Variants in RALGPS1 observed in about 807,000 individuals in gnomAD.
RALGPS1 encodes the protein Ral GEF with PH domain and SH3 binding motif 1.
Under a neutral mutation model 78.8 loss-of-function variants are expected in RALGPS1, and 19 were observed. The ratio of observed to expected loss-of-function variants is 0.24; its 90% confidence interval spans 0.17 to 0.35. The LOEUF (loss-of-function observed/expected upper bound fraction) is 0.35, where lower values mean the gene tolerates loss of function less well. Among genes scored for constraint, RALGPS1 ranks in the 10% least tolerant of loss-of-function variants. RALGPS1 has a pLI of 1.00. For missense variants in RALGPS1, 454 were observed against 688.3 expected, an observed-to-expected ratio of 0.66 and a Z score of 3.81; for synonymous variants, 228 against 256.3, an observed-to-expected ratio of 0.89 and a Z score of 1.06.
At position 127,212,574 on chromosome 9, in the gene RALGPS1, C is replaced by A; in HGVS notation, c.1354-53C>A. ...GCTGGGTCTGTAATCGGCCAGGGATCCTCTACCCCCACGACCCCTGGTGGC... is the reference window on the plus strand; with the variant it reads ...GCTGGGTCTGTAATCGGCCAGGGATACTCTACCCCCACGACCCCTGGTGGC... On this transcript the variant is annotated intron_variant, in intron 15 of 18. Coordinates refer to ENST00000259351, the MANE Select transcript of RALGPS1 (RefSeq NM_014636.3). The surrounding 1 kb of genome is among the most constrained non-coding windows in gnomAD (Gnocchi z 6.0). 1.5e-6 allele frequency: 2 copies of A among 1,337,748 alleles called. No homozygotes were observed. Among genetic ancestry groups the A allele is most frequent in the Non-Finnish European group, 2.1e-6 (2 of 949,626 alleles). The allele number at this position is 1,337,748 out of a possible 1,614,324, so 82.9% of individuals were successfully genotyped here.
intron 8 of RALGPS1, among the ~76,000 whole-genome samples, chr9:127,093,346 G>C (rs1439973815): frequency 6.6e-6 from 1 of 152,182 alleles, no homozygotes; most frequent in Non-Finnish European, 1.5e-5. Flanking sequence ...CTTGGGACTT[G>C]CGCCTTCTGG....
chr9:126,993,984 A>G (rs545128642), intron 4 of RALGPS1, among the ~76,000 whole-genome samples: 3 of 152,200 alleles, frequency 2.0e-5, no homozygotes, highest in Non-Finnish European at 4.4e-5. Flanking sequence ...GTTAGAAGGA[A>G]AACTAACAAA....
In RALGPS1 at chr9:127,183,446, C is replaced by T. The variant is rs1344058427; in HGVS notation, c.910+8664C>T. ...CCCCTCCAGCCCTCAACTCTGCCAGCTTTCCTCACATGGGCCACCTCGGTC... is the reference window on the plus strand; with the variant it reads ...CCCCTCCAGCCCTCAACTCTGCCAGTTTTCCTCACATGGGCCACCTCGGTC... On this transcript the variant is annotated intron_variant, in intron 11 of 18. Transcript: ENST00000259351. The surrounding 1 kb of genome is among the most constrained non-coding windows in gnomAD (Gnocchi z 4.0). Among the ~76,000 whole-genome samples the T allele has an allele frequency of 2.6e-5, 4 of 152,310 alleles. No individual in the cohort carries two copies. The highest frequency in any genetic ancestry group is 2.6e-4 in the Admixed American group (4 of 15,304).
chr9:127,006,114 G>A (rs1373439761), intron 4 of RALGPS1, among the ~76,000 whole-genome samples: 1 of 152,114 alleles, frequency 6.6e-6, no homozygotes, highest in East Asian at 1.9e-4. Context: ...ATACTGAATG[G>A]GCAAGAGCTA....
At chr9:127,074,982 A>G (rs2050551178) in intron 8 of RALGPS1, among the ~76,000 whole-genome samples, 1 of 152,194 alleles carries the variant, frequency 6.6e-6, no homozygotes, top group Non-Finnish European at 1.5e-5. Flanking sequence ...GACATTCCCT[A>G]TTGTGGGACC....
At chr9:127,037,844 A>G (rs1177268433) in intron 5 of RALGPS1, among the ~76,000 whole-genome samples, 4 of 152,214 alleles carry the variant, frequency 2.6e-5, no homozygotes, top group African/African-American at 9.7e-5. Context: ...AATCACTGTG[A>G]CCAGGAAGAC....
chr9:127,061,240 C>T (rs1012207639), intron 7 of RALGPS1, among the ~76,000 whole-genome samples: 1 of 152,242 alleles, frequency 6.6e-6, no homozygotes, highest in African/African-American at 2.4e-5. Flanking sequence ...AGCAGTGCAT[C>T]TGCTACCACC....
Position 127,195,086 on chromosome 9 carries a change from T to G in RALGPS1, c.911-5T>G. On this transcript the variant is annotated splice_region_variant and splice_polypyrimidine_tract_variant and intron_variant, in intron 11 of 18. Coordinates refer to ENST00000259351, the MANE Select transcript of RALGPS1 (RefSeq NM_014636.3). ...CCGTTGTTGCTCTCTCTGCTCTGTT[T>G]GCAGGTCCCTCTGCTGGCTCCGGTT... The G allele has an allele frequency of 2.5e-6, 4 of 1,613,272 alleles. No individual in the cohort carries two copies. In the South Asian group the frequency reaches 3.3e-5, roughly 13 times the overall value.
chr9:127,075,166 C>G (rs1307136330), intron 8 of RALGPS1, among the ~76,000 whole-genome samples: 1 of 152,234 alleles, frequency 6.6e-6, no homozygotes, highest in Non-Finnish European at 1.5e-5. Flanking sequence ...AGGCCTCCAT[C>G]CTCCTGCATT....
At chr9:126,936,144 A>G (rs2036237147) in intron 1 of RALGPS1, among the ~76,000 whole-genome samples, 1 of 152,212 alleles carries the variant, frequency 6.6e-6, no homozygotes, top group Non-Finnish European at 1.5e-5. Flanking sequence ...AGCCTCAGGC[A>G]TGCTAAGGCA....
At chr9:127,159,855 T>G (rs572313603) in intron 8 of RALGPS1, among the ~76,000 whole-genome samples, 1 of 152,236 alleles carries the variant, frequency 6.6e-6, no homozygotes, top group East Asian at 1.9e-4. Context: ...AATACTGAAG[T>G]TTGAAAGTGA....
intron 14 of RALGPS1, among the ~76,000 whole-genome samples, chr9:127,209,897 T>G (rs190526731): frequency 6.6e-6 from 1 of 152,322 alleles, no homozygotes; most frequent in Non-Finnish European, 1.5e-5. Flanking sequence ...TTAAGTTGAT[T>G]ACATTGTTGT....
At chr9:127,206,501 AACTC>A (rs1480670980) in intron 14 of RALGPS1, among the ~76,000 whole-genome samples, 6 of 152,098 alleles carry the variant, frequency 3.9e-5, no homozygotes, top group Admixed American at 1.3e-4. Context: ...ATCTTGTGAG[AACTC>A]ACTCACTATC....
chr9:127,160,398 G>T (rs1381107891), intron 8 of RALGPS1, among the ~76,000 whole-genome samples: 4 of 152,224 alleles, frequency 2.6e-5, no homozygotes, highest in Admixed American at 1.3e-4. Flanking sequence ...GGCTTCTGGA[G>T]CAGAACGAGG....
chr9:126,941,167 G>GGC (rs2036751259), intron 1 of RALGPS1, among the ~76,000 whole-genome samples: 1 of 99,722 alleles, frequency 1.0e-5, no homozygotes, highest in Admixed American at 1.2e-4. Context: ...GTCTAGTTGT[G>GGC]GGGGGGGGTT....
At chr9:126,941,647 C>A (rs1460292349) in intron 1 of RALGPS1, among the ~76,000 whole-genome samples, 7 of 152,172 alleles carry the variant, frequency 4.6e-5, no homozygotes, top group Non-Finnish European at 7.3e-5. Context: ...CTTCACTGCT[C>A]TATCCCTAGC....
chr9:126,953,166 T>A (rs2038021359), intron 1 of RALGPS1, among the ~76,000 whole-genome samples: 1 of 152,128 alleles, frequency 6.6e-6, no homozygotes, highest in Non-Finnish European at 1.5e-5. Context: ...GCATATGGGA[T>A]TTTCCTTTCC....
At chr9:127,102,827 G>C (rs930977830) in intron 8 of RALGPS1, among the ~76,000 whole-genome samples, 1 of 152,216 alleles carries the variant, frequency 6.6e-6, no homozygotes, top group African/African-American at 2.4e-5. Flanking sequence ...GGATTATGTA[G>C]TTTGTACTGA....
At chr9:127,164,791 C>T (rs539183433) in intron 8 of RALGPS1, among the ~76,000 whole-genome samples, 59 of 149,404 alleles carry the variant, frequency 3.9e-4, no homozygotes, top group Middle Eastern at 3.8e-3. Flanking sequence ...CCGCTCACCT[C>T]GGCCTCCCAA....
Sources: gnomAD v4.1 joint callset for allele counts (sites outside exome capture counted in the v4.1 genomes callset) on GRCh38, gnomAD v4.1.1 for gene constraint, Gnocchi (gnomAD v3.1) non-coding constraint, MANE v1.5 for transcripts, NCBI Gene and HGNC (gene_info 2026-07-23, HGNC 2026-07-21) for gene names.